Variants in ACACB observed in about 807,000 individuals in gnomAD.
ACACB encodes acetyl-CoA carboxylase 2.
Under a neutral mutation model 278.8 loss-of-function variants are expected in ACACB, and 209 were observed. That is an observed-to-expected ratio of 0.75 (90% CI 0.67 to 0.84). The LOEUF (loss-of-function observed/expected upper bound fraction) is 0.84. Among genes scored for constraint, ACACB ranks in the 40% least tolerant of loss-of-function variants. The probability of loss-of-function intolerance (pLI) is 0.00; values close to 1 mark genes in which losing one functional copy is unlikely to be tolerated. For missense variants in ACACB, 2,850 were observed against 3,269.0 expected, an observed-to-expected ratio of 0.87 and a Z score of 3.13; for synonymous variants, 1,174 against 1,285.6, an observed-to-expected ratio of 0.91 and a Z score of 1.86.
chr12:109,230,103 A>G (rs929887143), intron 28 of ACACB, among the ~76,000 whole-genome samples: 3 of 152,160 alleles, frequency 2.0e-5, no homozygotes, highest in Non-Finnish European at 4.4e-5. Context: ...TGTACAGGCA[A>G]TAGGGTTCAT....
At chr12:109,222,704 GCA>G in intron 25 of ACACB, 84 bp downstream of exon 25, 2 of 1,519,380 alleles carry the variant, frequency 1.3e-6, no homozygotes, top group Admixed American at 3.4e-5. Context: ...CCCTCACCAT[GCA>G]CAGTCCCACC....
intron 33 of ACACB, chr12:109,236,196 C>G (rs1464193989): frequency 1.3e-5 from 2 of 152,980 alleles, no homozygotes; most frequent in Non-Finnish European, 2.9e-5. Context: ...TCCCCATATT[C>G]AAGAATGTAG....
At chr12:109,236,250 C>T (rs927282319) in intron 33 of ACACB, 1 of 152,754 alleles carries the variant, frequency 6.5e-6, no homozygotes, top group African/African-American at 2.4e-5. Flanking sequence ...ATTGTATTTC[C>T]ATTGAGAGCC....
chr12:109,159,904 A>C (rs2043667868), intron 2 of ACACB, among the ~76,000 whole-genome samples: 1 of 152,064 alleles, frequency 6.6e-6, no homozygotes, highest in Non-Finnish European at 1.5e-5. Context: ...AGCCTGGCCA[A>C]CATAGTGAAA....
rs1183809237 is a variant in ACACB at position 109,232,712 on chromosome 12, C to G, written c.4045C>G (p.His1349Asp). 1 of 1,614,176 alleles carries G rather than the reference C, an allele frequency of 6.2e-7. No individual in the cohort carries two copies. The highest frequency in any genetic ancestry group is 1.7e-5 in the Admixed American group (1 of 60,018). ...ISITNPDLLR[H>D]STELFMDSGF... ...CATCACCAACCCTGACCTGCTGAGG[C>G]ACAGCACAGAGCTCTTCATGGACAG... Residue 1349 changes from histidine to aspartate, a missense_variant, in exon 29 of 53, where the codon CAC becomes GAC. His to Asp is a moderately conservative substitution (Grantham distance 81). Coordinates refer to ENST00000338432, the MANE Select transcript of ACACB (RefSeq NM_001093.4).
Position 109,246,432 on chromosome 12 carries a change from C to T in ACACB, c.5555C>T (p.Pro1852Leu). The T allele has an allele frequency of 6.2e-7, 1 of 1,611,110 alleles. No homozygotes were observed. The highest frequency in any genetic ancestry group is 8.5e-7 in the Non-Finnish European group (1 of 1,177,756). ...ATGTTCCACGTGGCTTGGGTGGACC[C>T]AGAAGACCCCCACAAAGTACGTCGT... ...KHMFHVAWVD[P>L]EDPHKGFKYL... The change falls in exon 39 of 53, where the codon CCA (proline) becomes CTA (leucine). Residue 1852 changes from proline (P) to leucine (L), a missense_variant. This residue lies in a region of ACACB where 2,265 missense variants were observed against 2,561.3 expected (regional missense o/e 0.88). Coordinates refer to ENST00000338432, the MANE Select transcript of ACACB (RefSeq NM_001093.4).
chr12:109,184,699 C>T (rs1315616479), intron 11 of ACACB, among the ~76,000 whole-genome samples: 1 of 150,598 alleles, frequency 6.6e-6, no homozygotes, highest in Non-Finnish European at 1.5e-5. Flanking sequence ...TTGACATTGG[C>T]ATTAAAATTT....
chr12:109,212,189 A>G (rs945544626), intron 21 of ACACB, among the ~76,000 whole-genome samples: 1 of 152,044 alleles, frequency 6.6e-6, no homozygotes, highest in Non-Finnish European at 1.5e-5. Flanking sequence ...GGAATTTTCA[A>G]TCTTCAAATG....
Position 109,266,574 on chromosome 12 carries a change from GGA to G in ACACB, c.*213_*214del, listed in dbSNP as rs906672415. On this transcript the variant is annotated 3_prime_UTR_variant, in exon 53 of 53. Transcript: ENST00000338432. ...AAAAACAGCCTCCTCTCCATAGCTG[GGA>G]AGTTTATTTTGTTTTGTCTCTGAAG... is the stretch of plus-strand genomic sequence containing the variant. 4.5e-6 allele frequency: 2 copies of G among 445,880 alleles called. No homozygotes were observed. Among genetic ancestry groups the G allele is most frequent in the African/African-American group, 4.1e-5 (2 of 48,910 alleles). The allele number at this position is 445,880 out of a possible 1,614,324, so 27.6% of individuals were successfully genotyped here.
rs372069080 is a variant in ACACB, at chr12:109,260,621, C to T, written c.6638C>T (p.Pro2213Leu). The T allele has an allele frequency of 5.5e-5, 88 of 1,605,066 alleles. No individual in the cohort carries two copies. Among genetic ancestry groups the T allele is most frequent in the South Asian group, 1.0e-4 (9 of 89,886 alleles). Residue 2213 changes from proline (P) to leucine (L), a missense_variant, in exon 48 of 53, where the codon CCG (proline) becomes CTG (leucine). Physicochemically the swap from Pro to Leu is moderately conservative, Grantham distance 98 (BLOSUM62 -3). Coordinates refer to ENST00000338432, the MANE Select transcript of ACACB (RefSeq NM_001093.4). ...GTGGTCATAGATGCCACCATCAACC[C>T]GCTGTGCATAGAAATGTATGCAGAC... ...SWVVIDATIN[P>L]LCIEMYADKE...
At chr12:109,197,282 G>T in intron 17 of ACACB, 129 bp downstream of exon 17, 1 of 1,181,634 alleles carries the variant, frequency 8.5e-7, no homozygotes, top group East Asian at 2.9e-5. Context: ...GGTAAATTCT[G>T]GGGGTGTGCA....
chr12:109,171,773 G>T (rs1403397335), intron 4 of ACACB, 32 bp from the exon 5 acceptor site: 6 of 1,546,038 alleles, frequency 3.9e-6, no homozygotes, highest in Non-Finnish European at 5.4e-6. Context: ...TCTGTCAGCA[G>T]TTCCTTCCTT....
chr12:109,117,537 T>C (rs555782116), intron 1 of ACACB, among the ~76,000 whole-genome samples: 1 of 152,310 alleles, frequency 6.6e-6, no homozygotes, highest in Non-Finnish European at 1.5e-5. Context: ...GTCTCCTTGC[T>C]GTTATTCCTG....
intron 16 of ACACB, among the ~76,000 whole-genome samples, chr12:109,194,512 ATGTGTGTGTGTGTG>A (rs370227666): frequency 2.7e-4 from 24 of 88,822 alleles, no homozygotes; most frequent in African/African-American, 9.8e-4. Context: ...CTGTGTGTGC[ATGTGTGTGTGTGTG>A]TGTGTGTGTG....
At chr12:109,247,572 C>A in intron 39 of ACACB, 34 bp from the exon 40 acceptor site, 1 of 1,521,536 alleles carries the variant, frequency 6.6e-7, no homozygotes, top group Non-Finnish European at 9.1e-7. Flanking sequence ...GTGCAGGGAA[C>A]TGGATTCGTA....
chr12:109,199,294 G>A (rs1593535170), intron 17 of ACACB, 108 bp from the exon 18 acceptor site: 1 of 979,230 alleles, frequency 1.0e-6, no homozygotes, highest in Non-Finnish European at 1.4e-6. Context: ...GGAATGTAGA[G>A]GGTACACTCC....
chr12:109,198,382 G>A (rs1235381564), intron 17 of ACACB, among the ~76,000 whole-genome samples: 1 of 151,944 alleles, frequency 6.6e-6, no homozygotes, highest in Non-Finnish European at 1.5e-5. Context: ...CCAGCTTTCA[G>A]CCAAAAAAGG....
At position 109,266,147 on chromosome 12, in the gene ACACB, G is replaced by T. The variant is rs114190812; in HGVS notation, c.7251-89G>T. On this transcript the variant is annotated intron_variant, in intron 52 of 52. Coordinates refer to ENST00000338432, the MANE Select transcript of ACACB (RefSeq NM_001093.4). ...GGACTCGGGAGCTCTGGGTTCTGGG[G>T]TGTGGCCCCACACAAGGACTCTGCC... is the stretch of plus-strand genomic sequence containing the variant. 147 of 1,499,904 alleles carry T rather than the reference G, an allele frequency of 9.8e-5. No individual in the cohort carries two copies. In the African/African-American group the frequency reaches 1.7e-3, roughly 17 times the overall value. The allele number at this position is 1,499,904 out of a possible 1,614,324, so 92.9% of individuals were successfully genotyped here.
chr12:109,241,606 C>G (rs1457034270), intron 36 of ACACB: 1 of 341,314 alleles, frequency 2.9e-6, no homozygotes. Context: ...CCTCGACCTC[C>G]AAAGTGCTGG....
Sources: allele counts gnomAD v4.1 joint callset (sites outside exome capture counted in the v4.1 genomes callset), GRCh38; gene constraint gnomAD v4.1.1; regional missense constraint gnomAD v4.1.1; transcripts MANE v1.5; gene names NCBI Gene and HGNC (gene_info 2026-07-23, HGNC 2026-07-21).